GRIA1: variants seen among roughly 807,000 people sequenced by gnomAD.
GRIA1 encodes glutamate receptor 1.
A neutral mutation model predicts 99.2 loss-of-function variants in GRIA1; 31 were observed. The observed-to-expected ratio is 0.31, with a 90% CI of 0.23 to 0.42. GRIA1 has a LOEUF of 0.42. Among genes scored for constraint, GRIA1 ranks in the 10% least tolerant of loss-of-function variants. The pLI, the probability that GRIA1 is intolerant of heterozygous loss-of-function variation, is 1.00. For synonymous variants in GRIA1, 438 were observed against 432.4 expected (o/e 1.01, Z -0.16); for missense variants, 782 against 1,157.5 (o/e 0.68, Z 4.71).
Position 153,490,880 on chromosome 5 carries a change from A to T in GRIA1, c.-9A>T, listed in dbSNP as rs774793095. ...CCTGGGCTTCTTTTTCGCCAATGCA[A>T]AAAGGAATATGCAGCACATTTTTGC... is the stretch of plus-strand genomic sequence containing the variant. On this transcript the variant is annotated 5_prime_UTR_variant, in exon 1 of 16. Transcript: ENST00000285900. 97 of 1,612,184 alleles carry T rather than the reference A, an allele frequency of 6.0e-5. No homozygotes were observed. Among genetic ancestry groups the T allele is most frequent in the Non-Finnish European group, 8.0e-5 (94 of 1,178,334 alleles).
intron 2 of GRIA1, among the ~76,000 whole-genome samples, chr5:153,577,909 G>A (rs984676249): frequency 6.6e-5 from 10 of 151,940 alleles, no homozygotes; most frequent in East Asian, 1.9e-4. Context: ...CCAGCACTTC[G>A]GAAGGCCAAG....
At chr5:153,761,101 TG>T (rs1763156118) in intron 11 of GRIA1, among the ~76,000 whole-genome samples, 2 of 152,084 alleles carry the variant, frequency 1.3e-5, no homozygotes, top group African/African-American at 4.8e-5. Flanking sequence ...AAACGTTTCA[TG>T]ATAGTGGTCT....
chr5:153,804,377 C>T (rs1437097873), intron 15 of GRIA1, among the ~76,000 whole-genome samples: 2 of 152,124 alleles, frequency 1.3e-5, no homozygotes, highest in East Asian at 1.9e-4. Context: ...TTGACCATTC[C>T]ATTCAAAACA....
chr5:153,555,990 T>C (rs1269885205), intron 2 of GRIA1, among the ~76,000 whole-genome samples: 1 of 152,254 alleles, frequency 6.6e-6, no homozygotes, highest in Admixed American at 6.5e-5. Context: ...CATTAAAAGA[T>C]TGCACTGTGT....
At position 153,770,269 on chromosome 5, in the gene GRIA1, G is replaced by A. The variant is rs377215834; in HGVS notation, c.2124G>A (p.Arg708=). The part of the protein sequence containing the change: ...RTTEEGMIRV[R]KSKGKYAYLL... ...CAGAGGAGGGGATGATTCGAGTGAGGAAATCCAAAGGCAAATATGCCTACC... is the reference window on the plus strand; with the variant it reads ...CAGAGGAGGGGATGATTCGAGTGAGAAAATCCAAAGGCAAATATGCCTACC... The change falls in exon 13 of 16, where the codon AGG becomes AGA. Residue 708 remains arginine, a synonymous_variant. Coordinates refer to ENST00000285900, the MANE Select transcript of GRIA1 (RefSeq NM_000827.4). 1.9e-6 allele frequency: 3 copies of A among 1,613,932 alleles called. No individual in the cohort carries two copies. Among genetic ancestry groups the A allele is most frequent in the African/African-American group, 2.7e-5 (2 of 74,914 alleles).
intron 2 of GRIA1, among the ~76,000 whole-genome samples, chr5:153,609,555 CTTTTTTTTTTT>C (rs3036982): frequency 1.2e-5 from 1 of 84,346 alleles, no homozygotes; most frequent in African/African-American, 5.6e-5. Flanking sequence ...AGACTCTTTT[CTTTTTTTTTTT>C]TTTTTTTTTT....
At chr5:153,770,502 A>AT in intron 13 of GRIA1, 87 bp downstream of exon 13, 1 of 1,253,308 alleles carries the variant, frequency 8.0e-7, no homozygotes, top group Non-Finnish European at 1.1e-6. Context: ...CAAGCCTCCA[A>AT]TGCCACAATG....
chr5:153,611,037 TG>T (rs1457767868), intron 2 of GRIA1, among the ~76,000 whole-genome samples: 4 of 152,168 alleles, frequency 2.6e-5, no homozygotes, highest in Non-Finnish European at 5.9e-5. Context: ...CAAATCTTGC[TG>T]CTCATTTCAG....
At chr5:153,712,914 G>A (rs1341471549) in intron 11 of GRIA1, among the ~76,000 whole-genome samples, 1 of 152,210 alleles carries the variant, frequency 6.6e-6, no homozygotes, top group African/African-American at 2.4e-5. Flanking sequence ...TCTGCAGTTG[G>A]AGAGAAAGTT....
chr5:153,497,417 C>T (rs1055917682), intron 2 of GRIA1, among the ~76,000 whole-genome samples: 9 of 152,158 alleles, frequency 5.9e-5, no homozygotes, highest in African/African-American at 1.9e-4. Context: ...AATTTATTCA[C>T]CTATTTATTC....
At chr5:153,514,049 A>T (rs1251140704) in intron 2 of GRIA1, among the ~76,000 whole-genome samples, 1 of 152,148 alleles carries the variant, frequency 6.6e-6, no homozygotes, top group East Asian at 1.9e-4. Flanking sequence ...GGCCTAAAAA[A>T]CTTCTAGACA....
Position 153,490,699 on chromosome 5 carries a change from G to A in GRIA1, c.-190G>A. ...AATCTGGCTGTCAGTTGGTGTTAAC[G>A]CTGCAGTTTAAGTGTTCGGATTCCA... On this transcript the variant is annotated 5_prime_UTR_variant, in exon 1 of 16. Transcript: ENST00000285900. 5 of 666,624 alleles carry A rather than the reference G, an allele frequency of 7.5e-6. No individual in the cohort carries two copies. Among genetic ancestry groups the A allele is most frequent in the Non-Finnish European group, 1.1e-5 (4 of 366,738 alleles). 41.3% of individuals were successfully genotyped at this position (666,624 alleles called of 1,614,324 possible). A position where few individuals can be genotyped will look rare whatever the true frequency, so the allele number is the denominator to read the frequency against.
chr5:153,677,168 C>T lies in GRIA1; in HGVS notation c.1029+7C>T, dbSNP rs1756648775. 6.9e-7 allele frequency: 1 copy of T among 1,451,904 alleles called. No homozygotes were observed. Among genetic ancestry groups the T allele is most frequent in the African/African-American group, 1.4e-5 (1 of 69,970 alleles). The allele number at this position is 1,451,904 out of a possible 1,614,324, so 89.9% of individuals were successfully genotyped here. ...CCAGAGAGCTCTGCAGCAGGTAAGA[C>T]CACCAATGTTTGCCCCATCTCATAG... On this transcript the variant is annotated splice_region_variant and intron_variant, in intron 7 of 15. Coordinates refer to ENST00000285900, the MANE Select transcript of GRIA1 (RefSeq NM_000827.4).
intron 11 of GRIA1, among the ~76,000 whole-genome samples, chr5:153,756,461 A>G (rs1762834525): frequency 6.6e-6 from 1 of 152,232 alleles, no homozygotes; most frequent in Admixed American, 6.5e-5. Flanking sequence ...GCTGGGAAGC[A>G]TACATGTCTG....
At chr5:153,559,227 C>T (rs909780863) in intron 2 of GRIA1, among the ~76,000 whole-genome samples, 28 of 152,282 alleles carry the variant, frequency 1.8e-4, no homozygotes, top group African/African-American at 6.7e-4. Context: ...TCATTCAGAC[C>T]TTCCCTGCTT....
intron 5 of GRIA1, among the ~76,000 whole-genome samples, chr5:153,665,304 T>C (rs1291298203): frequency 6.6e-6 from 1 of 152,242 alleles, no homozygotes; most frequent in Non-Finnish European, 1.5e-5. Flanking sequence ...GTATGAGGTA[T>C]GTCTGTTGGT....
chr5:153,505,789 A>T lies in GRIA1; in HGVS notation c.220+11724A>T, dbSNP rs151000504. ...AAGATAGACAATGAATACATTTACAAATAAAATATATAGAGAGAGATCATT... is the reference window on the plus strand; with the variant it reads ...AAGATAGACAATGAATACATTTACATATAAAATATATAGAGAGAGATCATT... On this transcript the variant is annotated intron_variant, in intron 2 of 15. Transcript: ENST00000285900. 3.2e-3 allele frequency among the ~76,000 whole-genome samples: 484 copies of T among 152,380 alleles called. 1 individual carries two copies. The highest frequency in any genetic ancestry group is 5.3e-3 in the Non-Finnish European group (360 of 68,030).
intron 5 of GRIA1, among the ~76,000 whole-genome samples, chr5:153,673,093 C>T (rs1285137381): frequency 6.6e-6 from 1 of 152,186 alleles, no homozygotes; most frequent in Non-Finnish European, 1.5e-5. Context: ...CTTTCCCACC[C>T]TTTCTCTTCA....
chr5:153,627,318 G>T (rs778751907), intron 2 of GRIA1, among the ~76,000 whole-genome samples: 9 of 152,294 alleles, frequency 5.9e-5, no homozygotes, highest in South Asian at 4.1e-4. Context: ...GCAAGCAAAG[G>T]TTTCAGAGTT....
Sources: gnomAD v4.1 joint callset for allele counts (sites outside exome capture counted in the v4.1 genomes callset) on GRCh38, gnomAD v4.1.1 for gene constraint, MANE v1.5 for transcripts, NCBI Gene and HGNC (gene_info 2026-07-23, HGNC 2026-07-21) for gene names.